Variants in CNTNAP2 observed in about 807,000 individuals in gnomAD.
The protein encoded by CNTNAP2 is contactin-associated protein-like 2.
CNTNAP2 carries 98 observed loss-of-function variants against 155.2 expected under a neutral mutation model. The observed-to-expected ratio is 0.63, with a 90% CI of 0.54 to 0.75. CNTNAP2 has a LOEUF of 0.75. Ranked by LOEUF, CNTNAP2 falls within the 30% of genes least tolerant of loss-of-function variation. The pLI is 0.00. For synonymous variants in CNTNAP2, 651 were observed against 631.2 expected, an observed-to-expected ratio of 1.03 and a Z score of -0.47; for missense variants, 1,727 against 1,688.1, an observed-to-expected ratio of 1.02 and a Z score of -0.40.
At chr7:146,997,425 G>A (rs371056366) in intron 3 of CNTNAP2, among the ~76,000 whole-genome samples, 27 of 151,990 alleles carry the variant, frequency 1.8e-4, no homozygotes, top group African/African-American at 5.3e-4. Flanking sequence ...TAAATCTAAC[G>A]TATCACAATG....
At chr7:147,456,433 G>A (rs1300142603) in intron 10 of CNTNAP2, among the ~76,000 whole-genome samples, 1 of 152,166 alleles carries the variant, frequency 6.6e-6, no homozygotes, top group Non-Finnish European at 1.5e-5. Flanking sequence ...TAGCCTACAT[G>A]TAATTACAAA....
intron 21 of CNTNAP2, among the ~76,000 whole-genome samples, chr7:148,330,113 G>GGATGGATGGAA (rs2116554610): frequency 6.8e-6 from 1 of 147,916 alleles, no homozygotes; most frequent in Admixed American, 6.7e-5. Flanking sequence ...GATAGATGGA[G>GGATGGATGGAA]TGGATGGATG....
At chr7:146,577,381 C>G (rs966061393) in intron 1 of CNTNAP2, among the ~76,000 whole-genome samples, 1 of 151,982 alleles carries the variant, frequency 6.6e-6, no homozygotes, top group Non-Finnish European at 1.5e-5. Flanking sequence ...TGCATTTCCT[C>G]AAAAATCTAA....
At chr7:146,206,547 G>C (rs764837546) in intron 1 of CNTNAP2, among the ~76,000 whole-genome samples, 3 of 151,782 alleles carry the variant, frequency 2.0e-5, no homozygotes, top group Non-Finnish European at 4.4e-5. Context: ...GTGATATATT[G>C]GATACATTAA....
intron 10 of CNTNAP2, among the ~76,000 whole-genome samples, chr7:147,422,132 A>G (rs928675317): frequency 6.8e-6 from 1 of 147,260 alleles, no homozygotes; most frequent in Non-Finnish European, 1.5e-5. Flanking sequence ...GTATATATAC[A>G]GTATATATAT....
In CNTNAP2 at chr7:146,162,427, G is replaced by C. The variant is rs151032381; in HGVS notation, c.97+45454G>C. On this transcript the variant is annotated intron_variant, in intron 1 of 23. Transcript: ENST00000361727. The stretch of plus-strand genomic sequence containing the variant: ...AAAAATGCTCATCATCACTGGCCAT[G>C]AGAGAAATGCAAATCAAAACCACAA... 6.0e-3 allele frequency among the ~76,000 whole-genome samples: 920 copies of C among 152,218 alleles called. 6 individuals carry two copies. Among genetic ancestry groups the C allele is most frequent in the African/African-American group, 0.019 (772 of 41,540 alleles).
intron 11 of CNTNAP2, among the ~76,000 whole-genome samples, chr7:147,503,922 G>C (rs888648569): frequency 6.6e-6 from 1 of 152,204 alleles, no homozygotes; most frequent in African/African-American, 2.4e-5. Flanking sequence ...GGAGAAGGGA[G>C]AGGAGAGTAT....
At chr7:147,920,487 C>T (rs1800255339) in intron 14 of CNTNAP2, among the ~76,000 whole-genome samples, 1 of 152,072 alleles carries the variant, frequency 6.6e-6, no homozygotes, top group Admixed American at 6.6e-5. Flanking sequence ...GGCCTTCGTT[C>T]ACTGATAACC....
chr7:148,115,858 G>C (rs1804457651), intron 15 of CNTNAP2, among the ~76,000 whole-genome samples: 1 of 152,098 alleles, frequency 6.6e-6, no homozygotes, highest in Admixed American at 6.5e-5. Context: ...AAAAATAGCA[G>C]CCGAGCATGG....
At chr7:147,970,833 C>T (rs28627886) in intron 14 of CNTNAP2, among the ~76,000 whole-genome samples, 19,672 of 152,058 alleles carry the variant, frequency 0.13, 2,013 homozygotes, top group African/African-American at 0.29. Flanking sequence ...GGAAAAGTGA[C>T]AGATGTTTCA....
chr7:147,623,287 A>G (rs1197064037), intron 12 of CNTNAP2, among the ~76,000 whole-genome samples: 1 of 152,116 alleles, frequency 6.6e-6, no homozygotes, highest in Non-Finnish European at 1.5e-5. Flanking sequence ...AATAAAGGGC[A>G]TCCAAATTGG....
chr7:146,730,126 TAA>T (rs1273593151), intron 1 of CNTNAP2, among the ~76,000 whole-genome samples: 1 of 152,166 alleles, frequency 6.6e-6, no homozygotes, highest in Non-Finnish European at 1.5e-5. Context: ...TTGTTTCCCT[TAA>T]AACTCATTCC....
chr7:147,671,656 G>A (rs1795788862), intron 13 of CNTNAP2: 1 of 152,134 alleles, frequency 6.6e-6, no homozygotes, highest in South Asian at 2.1e-4. Flanking sequence ...ATGCGTATTT[G>A]CTGTGACATG....
At chr7:147,810,464 T>C (rs1798161916) in intron 13 of CNTNAP2, among the ~76,000 whole-genome samples, 1 of 152,130 alleles carries the variant, frequency 6.6e-6, no homozygotes, top group Admixed American at 6.5e-5. Flanking sequence ...TATTAATAGA[T>C]AATATGTCAA....
chr7:147,056,370 A>G (rs1799560969), intron 4 of CNTNAP2, among the ~76,000 whole-genome samples: 2 of 152,090 alleles, frequency 1.3e-5, no homozygotes, highest in South Asian at 4.1e-4. Context: ...ATGTTTTATT[A>G]AGGGAAAAAA....
intron 1 of CNTNAP2, among the ~76,000 whole-genome samples, chr7:146,305,442 T>C (rs1800691819): frequency 6.6e-6 from 1 of 152,122 alleles, no homozygotes; most frequent in South Asian, 2.1e-4. Context: ...GATGGTGACA[T>C]ACAGATGGGG....
At chr7:146,513,799 G>A (rs1336631266) in intron 1 of CNTNAP2, among the ~76,000 whole-genome samples, 2 of 151,800 alleles carry the variant, frequency 1.3e-5, no homozygotes, top group African/African-American at 2.4e-5. Context: ...TTAAGATGTT[G>A]TTTAACTGCA....
intron 17 of CNTNAP2, among the ~76,000 whole-genome samples, chr7:148,151,497 T>C (rs527986323): frequency 1.3e-5 from 2 of 152,074 alleles, no homozygotes; most frequent in South Asian, 4.2e-4. Flanking sequence ...GGTTTCACCA[T>C]GTTGGCCAGG....
intron 18 of CNTNAP2, among the ~76,000 whole-genome samples, chr7:148,208,336 A>G (rs1795488668): frequency 2.0e-5 from 3 of 152,146 alleles, no homozygotes; most frequent in African/African-American, 7.2e-5. Flanking sequence ...CCATTGTGTG[A>G]AGCTTGAGTT....
Sources: gnomAD v4.1 joint callset for allele counts (sites outside exome capture counted in the v4.1 genomes callset) on GRCh38, gnomAD v4.1.1 for gene constraint, MANE v1.5 for transcripts, NCBI Gene and HGNC (gene_info 2026-07-23, HGNC 2026-07-21) for gene names.